The following DIP2C variants were observed in gnomAD, a reference collection of about 807,000 sequenced individuals.
The protein encoded by DIP2C is DIP2 acetate--CoA ligase C (putative), also known as disco-interacting protein 2 homolog C.
A neutral mutation model predicts 192.4 loss-of-function variants in DIP2C; 33 were observed. That is an observed-to-expected ratio of 0.17 (90% CI 0.13 to 0.23). The LOEUF is 0.23. DIP2C is among the 10% of genes least tolerant of loss of function. DIP2C has a pLI of 1.00. For synonymous variants in DIP2C, 979 were observed against 864.1 expected (o/e 1.13, Z -2.33); for missense variants, 1,537 against 2,110.1 (o/e 0.73, Z 5.32).
At chr10:635,488 G>A (rs1027583657) in intron 1 of DIP2C, among the ~76,000 whole-genome samples, 5 of 152,260 alleles carry the variant, frequency 3.3e-5, no homozygotes, top group East Asian at 1.9e-4. Context: ...GGGCGAGGCC[G>A]GGAAGCCGGG....
intron 1 of DIP2C, among the ~76,000 whole-genome samples, chr10:538,836 T>TG (rs1847832696): frequency 6.6e-6 from 1 of 152,242 alleles, no homozygotes; most frequent in South Asian, 2.1e-4. Context: ...AATATGACTT[T>TG]GAAAAATGTG....
chr10:364,338 G>T, intron 20 of DIP2C, 36 bp downstream of exon 20: 2 of 1,585,998 alleles, frequency 1.3e-6, no homozygotes, highest in South Asian at 1.1e-5. Flanking sequence ...ATGGCCGACC[G>T]GAAACCATAT....
intron 1 of DIP2C, among the ~76,000 whole-genome samples, chr10:573,499 C>T (rs1180973520): frequency 6.6e-6 from 1 of 152,188 alleles, no homozygotes. Flanking sequence ...AGCTCCGCCT[C>T]CCAGGCTCAA....
intron 1 of DIP2C, among the ~76,000 whole-genome samples, chr10:681,641 GA>G (rs1831138309): frequency 6.6e-6 from 1 of 152,152 alleles, no homozygotes; most frequent in Admixed American, 6.5e-5. Flanking sequence ...AAATTCCAGG[GA>G]ACACAGACCC....
At chr10:601,888 A>G (rs1032878432) in intron 1 of DIP2C, among the ~76,000 whole-genome samples, 2 of 152,202 alleles carry the variant, frequency 1.3e-5, no homozygotes, top group Non-Finnish European at 2.9e-5. Context: ...TAAGGAGAGA[A>G]CGGGAGGAAC....
At chr10:459,727 G>A (rs72774506) in intron 3 of DIP2C, among the ~76,000 whole-genome samples, 7 of 140,818 alleles carry the variant, frequency 5.0e-5, no homozygotes, top group African/African-American at 1.9e-4. Flanking sequence ...ATCAGGGAAC[G>A]GCGTGCTGCA....
rs1482172176 is a variant in DIP2C at position 422,910 on chromosome 10, G to A, written c.518C>T (p.Thr173Met). ...WISQAIHGST[T>M]STTSSSSTQS... ...CGTAGAGGACGAGGAGGTGGTGGAC[G>A]TGGTGGAGCCGTGGATGGCCTGGCT... Residue 173 changes from threonine (T) to methionine (M), a missense_variant, in exon 5 of 37, where the codon ACG (threonine) becomes ATG (methionine). Transcript: ENST00000280886. 2.5e-6 allele frequency: 4 copies of A among 1,613,916 alleles called. No individual in the cohort carries two copies. Among genetic ancestry groups the A allele is most frequent in the African/African-American group, 1.3e-5 (1 of 74,948 alleles).
chr10:420,834 C>T (rs955356906), intron 5 of DIP2C, among the ~76,000 whole-genome samples: 2 of 152,190 alleles, frequency 1.3e-5, no homozygotes, highest in Non-Finnish European at 2.9e-5. Flanking sequence ...TTTCTCCCCT[C>T]GGACACAAGC....
At chr10:366,219 G>T (rs1490278934) in intron 19 of DIP2C, 56 bp downstream of exon 19, 7 of 1,596,590 alleles carry the variant, frequency 4.4e-6, no homozygotes, top group Non-Finnish European at 6.0e-6. Context: ...CCTGGCAAGG[G>T]CTCTTTGGAG....
intron 8 of DIP2C, among the ~76,000 whole-genome samples, chr10:410,516 A>C (rs1965117289): frequency 6.6e-6 from 1 of 152,192 alleles, no homozygotes; most frequent in East Asian, 1.9e-4. Context: ...CATTAGATAT[A>C]ATTCAGGGAG....
chr10:351,017 T>C (rs1019867619), intron 24 of DIP2C, among the ~76,000 whole-genome samples: 1 of 151,796 alleles, frequency 6.6e-6, no homozygotes, highest in African/African-American at 2.4e-5. Context: ...GCGGCGGGCC[T>C]GGCAAGGCTG....
In DIP2C at chr10:520,761, T is replaced by C. The variant is rs116490553; in HGVS notation, c.86-34231A>G. On this transcript the variant is annotated intron_variant, in intron 1 of 36. Transcript: ENST00000280886. Reference sequence around the variant, plus strand: ...AAATAAGTTGGAAACCAAAAAATTCTAAGACCCCTTGGGCTTTTTAACAAT... The same window carrying C: ...AAATAAGTTGGAAACCAAAAAATTCCAAGACCCCTTGGGCTTTTTAACAAT... Among the ~76,000 whole-genome samples, 494 of 152,364 alleles carry C rather than the reference T, an allele frequency of 3.2e-3. 4 individuals carry two copies. Among genetic ancestry groups the C allele is most frequent in the African/African-American group, 0.011 (472 of 41,582 alleles).
At chr10:397,623 C>T (rs1245747124) in intron 10 of DIP2C, among the ~76,000 whole-genome samples, 3 of 152,072 alleles carry the variant, frequency 2.0e-5, no homozygotes, top group African/African-American at 7.2e-5. Context: ...CCTTGGGGCG[C>T]GTGCTGCTGG....
intron 29 of DIP2C, among the ~76,000 whole-genome samples, chr10:337,341 GGT>G (rs1564575499): frequency 2.7e-5 from 2 of 74,052 alleles, no homozygotes; most frequent in East Asian, 9.1e-4. Context: ...GGCCTAGGCA[GGT>G]GTGTGCGCGC....
At chr10:546,276 T>TG (rs1554897195) in intron 1 of DIP2C, among the ~76,000 whole-genome samples, 51,513 of 139,388 alleles carry the variant, frequency 0.37, 10,701 homozygotes, top group Non-Finnish European at 0.47. Flanking sequence ...AGCAAGACTC[T>TG]TAAAAAAAAA....
At chr10:670,605 T>C (rs1402556882) in intron 1 of DIP2C, among the ~76,000 whole-genome samples, 1 of 152,228 alleles carries the variant, frequency 6.6e-6, no homozygotes, top group Non-Finnish European at 1.5e-5. Context: ...ATTAAGATGA[T>C]TTCATTTACA....
chr10:580,158 A>G (rs558406408), intron 1 of DIP2C, among the ~76,000 whole-genome samples: 4 of 152,296 alleles, frequency 2.6e-5, no homozygotes, highest in African/African-American at 9.6e-5. Flanking sequence ...TCCGATGTAC[A>G]GTGCACTACA....
chr10:388,042 C>T (rs1291840324), intron 13 of DIP2C, among the ~76,000 whole-genome samples: 2 of 152,098 alleles, frequency 1.3e-5, no homozygotes, highest in Non-Finnish European at 2.9e-5. Context: ...TAGCTCTCCA[C>T]ACTGCACCTT....
intron 3 of DIP2C, among the ~76,000 whole-genome samples, chr10:464,281 A>T: frequency 6.6e-6 from 1 of 152,168 alleles, no homozygotes; most frequent in East Asian, 1.9e-4. Flanking sequence ...TCTACAAAGA[A>T]CTTAAACAAA....
Sources: allele counts gnomAD v4.1 joint callset (sites outside exome capture counted in the v4.1 genomes callset), GRCh38; gene constraint gnomAD v4.1.1; transcripts MANE v1.5; gene names NCBI Gene and HGNC (gene_info 2026-07-23, HGNC 2026-07-21).